Variants in NLGN4X observed in about 807,000 individuals in gnomAD.
NLGN4X encodes neuroligin 4 X-linked, also known as neuroligin-4, X-linked.
In NLGN4X, 3 loss-of-function variants were observed where a neutral mutation model predicts 40.3. The ratio of observed to expected loss-of-function variants is 0.07; its 90% confidence interval spans 0.03 to 0.19. NLGN4X has a LOEUF of 0.19. Ranked by LOEUF, NLGN4X falls within the 10% of genes least tolerant of loss-of-function variation. The pLI is 1.00. For missense variants in NLGN4X, 382 were observed against 708.3 expected (o/e 0.54, Z 5.23); for synonymous variants, 270 against 306.8 (o/e 0.88, Z 1.25).
intron 3 of NLGN4X, among the ~76,000 whole-genome samples, chrX:5,940,270 T>C (rs1445724584): frequency 8.9e-6 from 1 of 112,244 alleles, no homozygotes; most frequent in Non-Finnish European, 1.9e-5. Flanking sequence ...TACTATCCCT[T>C]AAACCACTGG....
intron 2 of NLGN4X, among the ~76,000 whole-genome samples, chrX:6,067,075 C>T (rs773322324): frequency 1.3e-4 from 14 of 110,371 alleles, no homozygotes; most frequent in Middle Eastern, 9.2e-3. Flanking sequence ...TACCACTGCA[C>T]ATCAGCCTGG....
At chrX:5,986,192 A>G (rs2035526834) in intron 3 of NLGN4X, among the ~76,000 whole-genome samples, 3 of 111,597 alleles carry the variant, frequency 2.7e-5, no homozygotes, top group Non-Finnish European at 5.6e-5. Flanking sequence ...CAAAATAAAC[A>G]CTTTTCTCAG....
intron 2 of NLGN4X, among the ~76,000 whole-genome samples, chrX:6,125,442 C>CAACAATAAACAACAAATAATATA (rs2039520013): frequency 9.5e-6 from 1 of 105,312 alleles, no homozygotes; most frequent in Non-Finnish European, 2.0e-5. Context: ...AAATAATATA[C>CAACAATAAACAACAAATAATATA]AACAATATAC....
At position 6,133,316 on chromosome X, in the gene NLGN4X, G is replaced by A. The variant is rs181297691; in HGVS notation, c.472+17679C>T. On this transcript the variant is annotated intron_variant, in intron 2 of 5. Coordinates refer to ENST00000381095, the MANE Select transcript of NLGN4X (RefSeq NM_181332.3). ...GTGTTCTTTGGCCACTGGGCTGACA[G>A]TGTTTTGTTTACATTGATTTGATTT... Among the ~76,000 whole-genome samples the A allele has an allele frequency of 2.7e-3, 297 of 111,360 alleles. 4 individuals carry two copies. Among genetic ancestry groups the A allele is most frequent in the African/African-American group, 9.3e-3 (284 of 30,648 alleles).
At position 5,891,525 on chromosome X, in the gene NLGN4X, CA is replaced by C; in HGVS notation, c.*1291del. The stretch of plus-strand genomic sequence containing the variant: ...TAAGCTGAGCAGGTACTTCATCGGC[CA>C]AACCCTCCCGCAGCTGCTAGGGAAC... On this transcript the variant is annotated 3_prime_UTR_variant, in exon 6 of 6. Coordinates refer to ENST00000381095, the MANE Select transcript of NLGN4X (RefSeq NM_181332.3). The C allele has an allele frequency of 3.4e-6, 1 of 291,064 alleles. No homozygotes were observed. Among genetic ancestry groups the C allele is most frequent in the Admixed American group, 3.8e-5 (1 of 26,408 alleles). The allele number at this position is 291,064 out of a possible 1,213,427, so 24.0% of individuals were successfully genotyped here.
Position 6,101,709 on chromosome X carries a change from A to G in NLGN4X, c.472+49286T>C, listed in dbSNP as rs147708846. 4.1e-3 allele frequency among the ~76,000 whole-genome samples: 451 copies of G among 110,925 alleles called. 1 individual carries two copies. The highest frequency in any genetic ancestry group is 6.5e-3 in the Non-Finnish European group (343 of 52,956). On this transcript the variant is annotated intron_variant, in intron 2 of 5. Coordinates refer to ENST00000381095, the MANE Select transcript of NLGN4X (RefSeq NM_181332.3). The stretch of plus-strand genomic sequence containing the variant: ...TGGGATGTGGGGAAGTGGGGTGGTT[A>G]ATGGGTACAAAAATTATAGTCAGAA...
intron 2 of NLGN4X, among the ~76,000 whole-genome samples, chrX:6,111,451 G>A (rs1282510894): frequency 9.0e-6 from 1 of 111,719 alleles, no homozygotes; most frequent in Non-Finnish European, 1.9e-5. Flanking sequence ...ATAAATGTGT[G>A]TTGTTAGCTG....
intron 2 of NLGN4X, among the ~76,000 whole-genome samples, chrX:6,097,079 A>G (rs766236115): frequency 1.8e-5 from 2 of 110,750 alleles, no homozygotes; most frequent in Non-Finnish European, 3.8e-5. Context: ...TATAATTAAC[A>G]GCTCTCTTAT....
chrX:5,921,146 TAC>T (rs1569131470), intron 3 of NLGN4X, among the ~76,000 whole-genome samples: 2 of 43,272 alleles, frequency 4.6e-5, no homozygotes, highest in Non-Finnish European at 7.5e-5. Context: ...TATATATATA[TAC>T]ATATATATAT....
intron 3 of NLGN4X, 71 bp downstream of exon 3, chrX:6,029,209 C>T: frequency 8.9e-7 from 1 of 1,118,554 alleles, no homozygotes. Flanking sequence ...AATCCACGAG[C>T]CCCGTCAAAA....
chrX:6,056,282 C>T (rs773528361), intron 2 of NLGN4X, among the ~76,000 whole-genome samples: 61 of 111,316 alleles, frequency 5.5e-4, no homozygotes, highest in Non-Finnish European at 4.3e-4. Context: ...TTGAGACCAG[C>T]CTGGCCAACA....
At chrX:6,081,423 C>T (rs1011715047) in intron 2 of NLGN4X, among the ~76,000 whole-genome samples, 2 of 112,320 alleles carry the variant, frequency 1.8e-5, no homozygotes, top group Non-Finnish European at 3.8e-5. Flanking sequence ...AGTGGAAATG[C>T]GGAATTTAAA....
chrX:5,956,184 ATG>A lies in NLGN4X; in HGVS notation c.626-46947_626-46946del, dbSNP rs970164263. 7.4e-5 allele frequency among the ~76,000 whole-genome samples: 8 copies of A among 108,198 alleles called. No individual in the cohort carries two copies. The Admixed American group carries it at 8.1e-4, about 11-fold the overall frequency. The allele number at this position is 108,198 out of a possible 115,157, so 94.0% of individuals were successfully genotyped here. On this transcript the variant is annotated intron_variant, in intron 3 of 5. Transcript: ENST00000381095. Reference sequence around the variant, plus strand: ...TATGAAATATATATATTTAATCTATATGTGTGTATATACACACATATATATAA... The same window carrying A: ...TATGAAATATATATATTTAATCTATATGTGTATATACACACATATATATAA...
At chrX:6,007,408 G>C (rs1049414591) in intron 3 of NLGN4X, among the ~76,000 whole-genome samples, 1 of 111,164 alleles carries the variant, frequency 9.0e-6, no homozygotes, top group African/African-American at 3.3e-5. Flanking sequence ...TACACTAAAA[G>C]CCCCGACATC....
chrX:5,976,585 T>G (rs1018674031), intron 3 of NLGN4X, among the ~76,000 whole-genome samples: 1 of 112,223 alleles, frequency 8.9e-6, no homozygotes, highest in Admixed American at 9.5e-5. Flanking sequence ...TGCTCTAGTG[T>G]TGGTCTCAAA....
At chrX:6,164,768 G>A (rs993261418) in intron 1 of NLGN4X, among the ~76,000 whole-genome samples, 3 of 111,729 alleles carry the variant, frequency 2.7e-5, no homozygotes, top group Non-Finnish European at 5.6e-5. Flanking sequence ...ACCCTGGCTA[G>A]AGTGCTCCAT....
At chrX:6,209,745 T>A in intron 1 of NLGN4X, among the ~76,000 whole-genome samples, 1 of 112,018 alleles carries the variant, frequency 8.9e-6, no homozygotes, top group Non-Finnish European at 1.9e-5. Context: ...TACACACACA[T>A]ACACACACAC....
At chrX:5,941,056 A>G (rs1601922716) in intron 3 of NLGN4X, among the ~76,000 whole-genome samples, 1 of 106,949 alleles carries the variant, frequency 9.4e-6, no homozygotes, top group South Asian at 4.3e-4. Flanking sequence ...TGGGTTCAGG[A>G]GGTCGAGGCT....
intron 2 of NLGN4X, among the ~76,000 whole-genome samples, chrX:6,080,487 A>G (rs938889954): frequency 8.9e-6 from 1 of 112,094 alleles, no homozygotes; most frequent in Non-Finnish European, 1.9e-5. Context: ...TGTCAGTTGA[A>G]TGACATCTAG....
Sources: gnomAD v4.1 joint callset for allele counts (sites outside exome capture counted in the v4.1 genomes callset) on GRCh38, gnomAD v4.1.1 for gene constraint, MANE v1.5 for transcripts, NCBI Gene and HGNC (gene_info 2026-07-23, HGNC 2026-07-21) for gene names.